Variants in TVP23A observed in about 807,000 individuals in gnomAD.
TVP23A encodes Golgi apparatus membrane protein TVP23 homolog A.
Under a neutral mutation model 31.7 loss-of-function variants are expected in TVP23A, and 21 were observed. The observed-to-expected ratio is 0.66, with a 90% CI of 0.47 to 0.95. The LOEUF is 0.95. Ranked by LOEUF, TVP23A falls within the 40% of genes least tolerant of loss-of-function variation. TVP23A has a pLI of 0.00. For synonymous variants in TVP23A, 104 were observed against 96.0 expected, an observed-to-expected ratio of 1.08 and a Z score of -0.49; for missense variants, 279 against 255.6, an observed-to-expected ratio of 1.09 and a Z score of -0.62.
Position 10,768,231 on chromosome 16 carries a change from T to A in TVP23A, c.*871A>T. Reference sequence around the variant, plus strand: ...GAATTAATTCATAGTTTAAAAAACATGGTGAGGGTGAAATTTATGGCTTAG... The same window carrying A: ...GAATTAATTCATAGTTTAAAAAACAAGGTGAGGGTGAAATTTATGGCTTAG... On this transcript the variant is annotated 3_prime_UTR_variant, in exon 8 of 8. Transcript: ENST00000299866. The surrounding 1 kb of genome is among the most constrained non-coding windows in gnomAD (Gnocchi z 4.3). 2.2e-6 allele frequency: 1 copy of A among 447,348 alleles called. No homozygotes were observed. Among genetic ancestry groups the A allele is most frequent in the Non-Finnish European group, 4.0e-6 (1 of 251,938 alleles). The allele number at this position is 447,348 out of a possible 1,614,324, so 27.7% of individuals were successfully genotyped here.
At position 10,769,062 on chromosome 16, in the gene TVP23A, G is replaced by A. The variant is rs779047393; in HGVS notation, c.*40C>T. On this transcript the variant is annotated 3_prime_UTR_variant, in exon 8 of 8. Coordinates refer to ENST00000299866, the MANE Select transcript of TVP23A (RefSeq NM_001079512.4). ...TGTTTTCCAGGAATCCAAGAGTTTT[G>A]TAATCTCCATCAGTCAAAAGAAGAG... The A allele has an allele frequency of 5.0e-6, 8 of 1,614,100 alleles. No individual in the cohort carries two copies. The Admixed American group carries it at 1.0e-4, about 20-fold the overall frequency.
intron 6 of TVP23A, among the ~76,000 whole-genome samples, chr16:10,771,449 C>T (rs1390790867): frequency 6.6e-6 from 1 of 152,106 alleles, no homozygotes; most frequent in Admixed American, 6.5e-5. Context: ...GTGGGAGGAT[C>T]GCTTGAGCCC....
chr16:10,762,549 G>C (rs932882168), downstream of TVP23A, among the ~76,000 whole-genome samples: 4 of 152,236 alleles, frequency 2.6e-5, no homozygotes, highest in African/African-American at 9.6e-5. Flanking sequence ...CCAGGACCGC[G>C]GAGCCGGGCG....
intron 2 of TVP23A, among the ~76,000 whole-genome samples, chr16:10,784,971 C>T (rs74466515): frequency 0.02 from 3,071 of 151,794 alleles, 112 homozygotes; most frequent in African/African-American, 0.07. Flanking sequence ...GTGGCGGGCG[C>T]CTGTAATCCC....
intron 2 of TVP23A, among the ~76,000 whole-genome samples, chr16:10,816,243 A>G (rs2034432747): frequency 1.3e-5 from 2 of 151,836 alleles, no homozygotes; most frequent in Admixed American, 1.3e-4. Flanking sequence ...AAAAAAAAAA[A>G]AAAAAGAAAT....
Position 10,779,758 on chromosome 16 carries a change from T to G in TVP23A, c.90-4662A>C, listed in dbSNP as rs983470187. 6.6e-6 allele frequency among the ~76,000 whole-genome samples: 1 copy of G among 152,240 alleles called. No individual in the cohort carries two copies. Among genetic ancestry groups the G allele is most frequent in the Non-Finnish European group, 1.5e-5 (1 of 68,044 alleles). On this transcript the variant is annotated intron_variant, in intron 2 of 7. Transcript: ENST00000299866. This position sits in a 1 kb window ranked among gnomAD's most constrained non-coding sequence, Gnocchi z 4.9. ...AGTTTTCCAGAGCTTATATACCTTC[T>G]GAGCTATATGTCATGGATAAGTTTG... is the stretch of plus-strand genomic sequence containing the variant.
intron 2 of TVP23A, among the ~76,000 whole-genome samples, chr16:10,815,317 C>T (rs1183877092): frequency 2.6e-5 from 4 of 152,126 alleles, no homozygotes; most frequent in Admixed American, 6.5e-5. Flanking sequence ...GAGACTGAGG[C>T]GGGAGAACTG....
At position 10,777,006 on chromosome 16, in the gene TVP23A, G is replaced by A. The variant is rs1019401963; in HGVS notation, c.90-1910C>T. Among the ~76,000 whole-genome samples the A allele has an allele frequency of 6.6e-6, 1 of 152,054 alleles. No homozygotes were observed. The highest frequency in any genetic ancestry group is 6.6e-5 in the Admixed American group (1 of 15,252). The stretch of plus-strand genomic sequence containing the variant: ...GGTCTTTATGACCTGTATCCTGTGC[G>A]ACCTCCTATCTCATCCTGTGACTTA... On this transcript the variant is annotated intron_variant, in intron 2 of 7. Coordinates refer to ENST00000299866, the MANE Select transcript of TVP23A (RefSeq NM_001079512.4). This position sits in a 1 kb window ranked among gnomAD's most constrained non-coding sequence, Gnocchi z 4.5.
At chr16:10,801,939 G>C (rs1018362322) in intron 2 of TVP23A, among the ~76,000 whole-genome samples, 6 of 152,090 alleles carry the variant, frequency 3.9e-5, no homozygotes, top group Admixed American at 1.3e-4. Flanking sequence ...GAAAGGCCAA[G>C]GCAGGAGGAT....
At chr16:10,764,219 C>T (rs1214286930), downstream of TVP23A, among the ~76,000 whole-genome samples, 1 of 152,164 alleles carries the variant, frequency 6.6e-6, no homozygotes, top group Non-Finnish European at 1.5e-5. Flanking sequence ...CCCACTGGAG[C>T]ATCTCAGCCC....
intron 2 of TVP23A, among the ~76,000 whole-genome samples, chr16:10,801,251 A>ATG (rs1379826157): frequency 6.6e-6 from 1 of 152,170 alleles, no homozygotes; most frequent in African/African-American, 2.4e-5. Flanking sequence ...AAAAAAGAAA[A>ATG]TGTCCCTTTA....
Position 10,818,385 on chromosome 16 carries a change from GC to G in TVP23A, c.9+99del. 1 of 1,516,344 alleles carries G rather than the reference GC, an allele frequency of 6.6e-7. No homozygotes were observed. The highest frequency in any genetic ancestry group is 8.9e-7 in the Non-Finnish European group (1 of 1,121,668). The allele number at this position is 1,516,344 out of a possible 1,614,324, so 93.9% of individuals were successfully genotyped here. On this transcript the variant is annotated intron_variant, in intron 1 of 7. Coordinates refer to ENST00000299866, the MANE Select transcript of TVP23A (RefSeq NM_001079512.4). The surrounding 1 kb of genome is among the most constrained non-coding windows in gnomAD (Gnocchi z 4.7). ...ACCACCGGGTGCAGCCCAGCCCCAG[GC>G]CCCGGCGCATCCCTCCTCCTCCTCC... is the stretch of plus-strand genomic sequence containing the variant.
intron 2 of TVP23A, among the ~76,000 whole-genome samples, chr16:10,780,116 TGA>T (rs2032332054): frequency 6.6e-6 from 1 of 151,094 alleles, no homozygotes; most frequent in East Asian, 1.9e-4. Context: ...AATGAATGAA[TGA>T]ATGAATGAAT....
At chr16:10,770,209 C>G in intron 7 of TVP23A, 63 bp downstream of exon 7, 1 of 1,542,966 alleles carries the variant, frequency 6.5e-7, no homozygotes, top group Non-Finnish European at 8.7e-7. Context: ...CCCTGTGCCC[C>G]AAGAGCTGCA....
intron 2 of TVP23A, among the ~76,000 whole-genome samples, chr16:10,798,703 CG>C (rs1190588413): frequency 6.6e-6 from 1 of 150,734 alleles, no homozygotes; most frequent in Non-Finnish European, 1.5e-5. Flanking sequence ...CTCACTCTGT[CG>C]CCAGGCTGGA....
chr16:10,768,104 G>A lies in TVP23A; in HGVS notation c.*998C>T, dbSNP rs1013770354. ...AGCAACATAAAGGAGCCAGGGGTGT[G>A]GAAGGACAGGTGGGTGGTGGGGTCT... On this transcript the variant is annotated 3_prime_UTR_variant, in exon 8 of 8. Coordinates refer to ENST00000299866, the MANE Select transcript of TVP23A (RefSeq NM_001079512.4). The surrounding 1 kb of genome is among the most constrained non-coding windows in gnomAD (Gnocchi z 4.3). 3.1e-5 allele frequency: 45 copies of A among 1,437,006 alleles called. No homozygotes were observed. Among genetic ancestry groups the A allele is most frequent in the Non-Finnish European group, 4.3e-5 (44 of 1,026,404 alleles). The allele number at this position is 1,437,006 out of a possible 1,614,324, so 89.0% of individuals were successfully genotyped here. A position where few individuals can be genotyped will look rare whatever the true frequency, so the allele number is the denominator to read the frequency against.
At chr16:10,790,279 A>ATTTTTTTTTTTTTTTTTTT (rs376916439) in intron 2 of TVP23A, among the ~76,000 whole-genome samples, 2 of 114,536 alleles carry the variant, frequency 1.7e-5, no homozygotes, top group Non-Finnish European at 3.5e-5. Context: ...TTGGGGTAAA[A>ATTTTTTTTTTTTTTTTTTT]TTTTTTTTTT....
rs564901222 is a variant in TVP23A, at chr16:10,802,296, G to A, written c.89+15807C>T. ...TGTGTGTGTGTGTGTATATGTGTGT[G>A]TGTGTCAGAGTCTCATTCTGTCACC... On this transcript the variant is annotated intron_variant, in intron 2 of 7. Coordinates refer to ENST00000299866, the MANE Select transcript of TVP23A (RefSeq NM_001079512.4). 5.5e-3 allele frequency among the ~76,000 whole-genome samples: 831 copies of A among 150,372 alleles called. 10 individuals carry two copies. The highest frequency in any genetic ancestry group is 0.02 in the African/African-American group (791 of 40,446).
intron 2 of TVP23A, 43 bp from the exon 3 acceptor site, chr16:10,775,139 C>G: frequency 1.3e-6 from 2 of 1,575,222 alleles, no homozygotes; most frequent in East Asian, 4.7e-5. Flanking sequence ...AAGAGCTAAG[C>G]GGATGGTCAC....
Sources: gnomAD v4.1 joint callset for allele counts (sites outside exome capture counted in the v4.1 genomes callset) on GRCh38, gnomAD v4.1.1 for gene constraint, Gnocchi (gnomAD v3.1) non-coding constraint, MANE v1.5 for transcripts, NCBI Gene and HGNC (gene_info 2026-07-23, HGNC 2026-07-21) for gene names.